RAB11FIP4: variants seen among roughly 807,000 people sequenced by gnomAD.
RAB11FIP4 encodes rab11 family-interacting protein 4.
RAB11FIP4 carries 23 observed loss-of-function variants against 74.3 expected under a neutral mutation model. That is an observed-to-expected ratio of 0.31 (90% CI 0.22 to 0.44). RAB11FIP4 has a LOEUF of 0.44. RAB11FIP4 is among the 20% of genes least tolerant of loss of function. RAB11FIP4 has a pLI of 1.00. For synonymous variants in RAB11FIP4, 360 were observed against 359.9 expected (o/e 1.00, Z 0.00); for missense variants, 630 against 863.9 (o/e 0.73, Z 3.39).
At chr17:31,525,754 G>C (rs992344297) in intron 10 of RAB11FIP4, 1 of 160,758 alleles carries the variant, frequency 6.2e-6, no homozygotes, top group Admixed American at 5.7e-5. Context: ...GCCCCACAGA[G>C]CGGCTGTGTG....
chr17:31,416,222 G>A (rs1218697464), intron 1 of RAB11FIP4, among the ~76,000 whole-genome samples: 1 of 152,176 alleles, frequency 6.6e-6, no homozygotes, highest in Non-Finnish European at 1.5e-5. Context: ...TGGGCCCGGG[G>A]CTCCTGACTC....
chr17:31,462,274 C>T lies in RAB11FIP4; in HGVS notation c.336+28152C>T, dbSNP rs139943711. Among the ~76,000 whole-genome samples the T allele has an allele frequency of 5.0e-3, 673 of 134,870 alleles. 5 individuals are homozygous for T. The highest frequency in any genetic ancestry group is 0.024 in the African/African-American group (653 of 26,894). The allele number at this position is 134,870 out of a possible 152,430, so 88.5% of individuals were successfully genotyped here. ...GAGCAAGACTCCATCTCAAAAAAAA[C>T]AAAAAACAAAAAAAAAAACAGGGCC... On this transcript the variant is annotated intron_variant, in intron 3 of 14. Transcript: ENST00000621161.
At chr17:31,525,349 G>C in intron 10 of RAB11FIP4, 119 bp downstream of exon 10, 1 of 1,004,650 alleles carries the variant, frequency 1.0e-6, no homozygotes, top group Non-Finnish European at 1.4e-6. Context: ...GCAGCCTCTT[G>C]AGACTTTCCA....
At chr17:31,463,858 G>GGCT (rs200589402) in intron 3 of RAB11FIP4, among the ~76,000 whole-genome samples, 2,286 of 113,308 alleles carry the variant, frequency 0.02, 64 homozygotes, top group African/African-American at 0.072. Flanking sequence ...CTGTTGTCCA[G>GGCT]GCTGGAGTGC....
chr17:31,398,862 CTG>C (rs2070957025), intron 1 of RAB11FIP4, among the ~76,000 whole-genome samples: 1 of 150,892 alleles, frequency 6.6e-6, no homozygotes, highest in Admixed American at 6.6e-5. Flanking sequence ...GCCCAGGAAC[CTG>C]GGAACGGGGG....
chr17:31,435,762 G>A (rs2071351452), intron 3 of RAB11FIP4, among the ~76,000 whole-genome samples: 1 of 152,194 alleles, frequency 6.6e-6, no homozygotes, highest in South Asian at 2.1e-4. Context: ...AGTGCTGAGG[G>A]CTGCCAAGTC....
At chr17:31,499,369 T>C (rs1234477666) in intron 3 of RAB11FIP4, among the ~76,000 whole-genome samples, 1 of 152,180 alleles carries the variant, frequency 6.6e-6, no homozygotes, top group Non-Finnish European at 1.5e-5. Context: ...CTTTCTTCTT[T>C]TTTTTTAGAT....
At chr17:31,445,372 G>T (rs1386368152) in intron 3 of RAB11FIP4, among the ~76,000 whole-genome samples, 3 of 151,460 alleles carry the variant, frequency 2.0e-5, no homozygotes, top group Non-Finnish European at 4.4e-5. Context: ...TGGACCATTT[G>T]AAAGTTAGTT....
chr17:31,478,234 T>G (rs938614590), intron 3 of RAB11FIP4, among the ~76,000 whole-genome samples: 1 of 152,052 alleles, frequency 6.6e-6, no homozygotes, highest in African/African-American at 2.4e-5. Flanking sequence ...CTCAAATGAT[T>G]CACCCGCCTT....
At chr17:31,498,899 T>C (rs914185267) in intron 3 of RAB11FIP4, among the ~76,000 whole-genome samples, 4 of 152,142 alleles carry the variant, frequency 2.6e-5, no homozygotes, top group Non-Finnish European at 4.4e-5. Context: ...GATGGTAAAG[T>C]ATGGAGCCCC....
At chr17:31,523,738 C>A in intron 8 of RAB11FIP4, 127 bp downstream of exon 8, 1 of 1,083,606 alleles carries the variant, frequency 9.2e-7, no homozygotes, top group Non-Finnish European at 1.4e-6. Context: ...GGGCAGGTGG[C>A]CCTGGTCACG....
In RAB11FIP4 at chr17:31,532,065, G is replaced by C. The variant is rs1002415544; in HGVS notation, c.*333G>C. 2 of 244,564 alleles carry C rather than the reference G, an allele frequency of 8.2e-6. No homozygotes were observed. Among genetic ancestry groups the C allele is most frequent in the African/African-American group, 2.2e-5 (1 of 45,408 alleles). The allele number at this position is 244,564 out of a possible 1,614,324, so 15.1% of individuals were successfully genotyped here. A position where few individuals can be genotyped will look rare whatever the true frequency, so the allele number is the denominator to read the frequency against. ...TGGAAGCTCGTGTTTCCGGTACTGG[G>C]TAAAATGATTCTACCTCTGGGGATA... is the stretch of plus-strand genomic sequence containing the variant. On this transcript the variant is annotated 3_prime_UTR_variant, in exon 15 of 15. Transcript: ENST00000621161.
Position 31,531,981 on chromosome 17 carries a change from G to A in RAB11FIP4, c.*249G>A. On this transcript the variant is annotated 3_prime_UTR_variant, in exon 15 of 15. Coordinates refer to ENST00000621161, the MANE Select transcript of RAB11FIP4 (RefSeq NM_032932.6). ...TGTGGCCCCTTTGCAAGGGGCAGAG[G>A]GTACTGGAAGTGGGAGGAGGCAAGG... The A allele has an allele frequency of 2.3e-6, 1 of 438,268 alleles. No homozygotes were observed. Among genetic ancestry groups the A allele is most frequent in the Non-Finnish European group, 4.1e-6 (1 of 243,278 alleles). The allele number at this position is 438,268 out of a possible 1,614,324, so 27.1% of individuals were successfully genotyped here. A position where few individuals can be genotyped will look rare whatever the true frequency, so the allele number is the denominator to read the frequency against.
chr17:31,420,041 G>A (rs2071184629), intron 1 of RAB11FIP4, among the ~76,000 whole-genome samples: 1 of 152,040 alleles, frequency 6.6e-6, no homozygotes, highest in African/African-American at 2.4e-5. Context: ...GATATAAATT[G>A]GGAAATTAAT....
chr17:31,536,957 C>T lies in RAB11FIP4; in HGVS notation c.*5225C>T, dbSNP rs2072975638. 1 of 399,040 alleles carries T rather than the reference C, an allele frequency of 2.5e-6. No individual in the cohort carries two copies. The highest frequency in any genetic ancestry group is 4.4e-6 in the Non-Finnish European group (1 of 226,130). 24.7% of individuals were successfully genotyped at this position (399,040 alleles called of 1,614,324 possible). A position where few individuals can be genotyped will look rare whatever the true frequency, so the allele number is the denominator to read the frequency against. On this transcript the variant is annotated 3_prime_UTR_variant, in exon 15 of 15. Coordinates refer to ENST00000621161, the MANE Select transcript of RAB11FIP4 (RefSeq NM_032932.6). ...CCTCGTAGGTTGCTCCTTTCCCCATCTGTAAGGTAGAGATGTCTGCCCCGG... is the reference window on the plus strand; with the variant it reads ...CCTCGTAGGTTGCTCCTTTCCCCATTTGTAAGGTAGAGATGTCTGCCCCGG...
At chr17:31,445,557 TATATATATATATATATA>T (rs1567658231) in intron 3 of RAB11FIP4, among the ~76,000 whole-genome samples, 4 of 12,462 alleles carry the variant, frequency 3.2e-4, no homozygotes, top group African/African-American at 9.7e-4. Flanking sequence ...TATATATATA[TATATATATATATATATA>T]TATATTTTTT....
chr17:31,422,552 G>T (rs2071209939), intron 1 of RAB11FIP4, among the ~76,000 whole-genome samples: 1 of 152,110 alleles, frequency 6.6e-6, no homozygotes, highest in Non-Finnish European at 1.5e-5. Context: ...ATTTAGGATT[G>T]TTATGTATCT....
rs535663218 is a variant in RAB11FIP4 at position 31,449,911 on chromosome 17, C to T, written c.336+15789C>T. 4.6e-5 allele frequency among the ~76,000 whole-genome samples: 7 copies of T among 152,294 alleles called. No individual in the cohort carries two copies. In the South Asian group the frequency reaches 1.5e-3, roughly 32 times the overall value. The stretch of plus-strand genomic sequence containing the variant: ...CTGGCCAAATCCAAGCATCAGTTCT[C>T]TAGTCACATTTTTACATAGTGATGG... On this transcript the variant is annotated intron_variant, in intron 3 of 14. Transcript: ENST00000621161.
At chr17:31,468,716 G>A (rs2071709907) in intron 3 of RAB11FIP4, among the ~76,000 whole-genome samples, 1 of 152,106 alleles carries the variant, frequency 6.6e-6, no homozygotes. Context: ...TGTAATCCCA[G>A]CTACTCAGGA....
Sources: allele counts gnomAD v4.1 joint callset (sites outside exome capture counted in the v4.1 genomes callset), GRCh38; gene constraint gnomAD v4.1.1; transcripts MANE v1.5; gene names NCBI Gene and HGNC (gene_info 2026-07-23, HGNC 2026-07-21).